Variants in ZSWIM5 observed in about 807,000 individuals in gnomAD.
The protein encoded by ZSWIM5 is zinc finger SWIM-type containing 5, also known as zinc finger SWIM domain-containing protein 5.
In ZSWIM5, 55 loss-of-function variants were observed where a neutral mutation model predicts 119.6. That is an observed-to-expected ratio of 0.46 (90% confidence interval 0.37 to 0.58). The LOEUF (loss-of-function observed/expected upper bound fraction) is 0.58. Among genes scored for constraint, ZSWIM5 ranks in the 20% least tolerant of loss-of-function variants. The pLI, the probability that ZSWIM5 is intolerant of heterozygous loss-of-function variation, is 0.00. For missense variants in ZSWIM5, 1,193 were observed against 1,512.8 expected (o/e 0.79, Z 3.51); for synonymous variants, 537 against 606.9 (o/e 0.88, Z 1.69).
intron 2 of ZSWIM5, among the ~76,000 whole-genome samples, chr1:45,075,397 G>A (rs1029098752): frequency 1.3e-5 from 2 of 152,118 alleles, no homozygotes; most frequent in African/African-American, 4.8e-5. Context: ...AGTGTTGGGT[G>A]TATATGTATT....
At chr1:45,026,247 C>A (rs567439932) in intron 11 of ZSWIM5, among the ~76,000 whole-genome samples, 1 of 152,052 alleles carries the variant, frequency 6.6e-6, no homozygotes, top group Admixed American at 6.6e-5. Context: ...GTTATCCAGG[C>A]TGGTCTTGAA....
At chr1:45,181,278 G>A (rs557014164) in intron 1 of ZSWIM5, among the ~76,000 whole-genome samples, 8 of 152,184 alleles carry the variant, frequency 5.3e-5, no homozygotes, top group African/African-American at 7.2e-5. Context: ...CAAGAACTAC[G>A]TGAAGAATGC....
At chr1:45,182,842 G>C (rs1646030482) in intron 1 of ZSWIM5, among the ~76,000 whole-genome samples, 1 of 152,080 alleles carries the variant, frequency 6.6e-6, no homozygotes, top group Non-Finnish European at 1.5e-5. Flanking sequence ...AGATCAACAA[G>C]ACAGAAAGTT....
At chr1:45,161,851 T>C (rs1048031660) in intron 1 of ZSWIM5, among the ~76,000 whole-genome samples, 1 of 152,196 alleles carries the variant, frequency 6.6e-6, no homozygotes, top group Non-Finnish European at 1.5e-5. Flanking sequence ...CACAGCTTAC[T>C]TGTAAGATAA....
chr1:45,117,652 C>G (rs1645566463), intron 1 of ZSWIM5, among the ~76,000 whole-genome samples: 1 of 152,116 alleles, frequency 6.6e-6, no homozygotes, highest in African/African-American at 2.4e-5. Flanking sequence ...GCCTGGTTAA[C>G]AGAGAGAGAC....
At chr1:45,122,936 A>G (rs1645601828) in intron 1 of ZSWIM5, among the ~76,000 whole-genome samples, 2 of 152,144 alleles carry the variant, frequency 1.3e-5, no homozygotes, top group Admixed American at 1.3e-4. Context: ...AGCCCAGTGG[A>G]AAATCAGGAC....
At chr1:45,118,166 A>G (rs1297161712) in intron 1 of ZSWIM5, among the ~76,000 whole-genome samples, 1 of 152,202 alleles carries the variant, frequency 6.6e-6, no homozygotes, top group East Asian at 1.9e-4. Context: ...CTATCATGAT[A>G]CTCACATTTG....
intron 1 of ZSWIM5, among the ~76,000 whole-genome samples, chr1:45,130,106 C>G (rs1009221581): frequency 6.6e-6 from 1 of 152,180 alleles, no homozygotes; most frequent in Non-Finnish European, 1.5e-5. Flanking sequence ...CCATGTTGGC[C>G]AGGCTGGTCT....
intron 1 of ZSWIM5, among the ~76,000 whole-genome samples, chr1:45,162,517 G>A (rs551159676): frequency 5.3e-5 from 8 of 152,320 alleles, no homozygotes; most frequent in East Asian, 3.9e-4. Context: ...AAAGCAGGGC[G>A]AGGCATCGCC....
chr1:45,094,532 C>T (rs1645387699), intron 1 of ZSWIM5, among the ~76,000 whole-genome samples: 2 of 151,952 alleles, frequency 1.3e-5, no homozygotes, highest in Non-Finnish European at 2.9e-5. Flanking sequence ...TGCTTGAGCC[C>T]AGGAGTTCAA....
chr1:45,082,239 T>G (rs527793361), intron 2 of ZSWIM5, among the ~76,000 whole-genome samples: 1 of 151,444 alleles, frequency 6.6e-6, no homozygotes, highest in East Asian at 1.9e-4. Context: ...CTTTGTTCAC[T>G]TGTTTATCTG....
At chr1:45,107,923 A>C (rs1265040535) in intron 1 of ZSWIM5, among the ~76,000 whole-genome samples, 1 of 152,116 alleles carries the variant, frequency 6.6e-6, no homozygotes, top group Non-Finnish European at 1.5e-5. Context: ...TAGCCTCCCA[A>C]GTAGCTGGGA....
At chr1:45,145,513 A>C (rs2149035817) in intron 1 of ZSWIM5, among the ~76,000 whole-genome samples, 1 of 152,306 alleles carries the variant, frequency 6.6e-6, no homozygotes, top group African/African-American at 2.4e-5. Flanking sequence ...TACAGGCAAC[A>C]ACTTAGAGGA....
chr1:45,067,072 A>T (rs902569975), intron 2 of ZSWIM5, among the ~76,000 whole-genome samples: 2 of 152,170 alleles, frequency 1.3e-5, no homozygotes, highest in African/African-American at 2.4e-5. Context: ...GGGTATGTTG[A>T]TCTTGGGATG....
chr1:45,025,403 T>C (rs1171119296), intron 11 of ZSWIM5, among the ~76,000 whole-genome samples: 3 of 152,210 alleles, frequency 2.0e-5, no homozygotes, highest in South Asian at 2.1e-4. Context: ...ATAGATCACA[T>C]TGGGAAGAAC....
At chr1:45,089,385 G>A (rs988427382) in intron 1 of ZSWIM5, among the ~76,000 whole-genome samples, 7 of 152,186 alleles carry the variant, frequency 4.6e-5, no homozygotes, top group African/African-American at 1.7e-4. Flanking sequence ...GTATTGAACT[G>A]CTAGGCCTAG....
chr1:45,046,108 G>A (rs917393043), intron 5 of ZSWIM5, among the ~76,000 whole-genome samples: 3 of 152,064 alleles, frequency 2.0e-5, no homozygotes, highest in South Asian at 2.1e-4. Flanking sequence ...AGATCATGGA[G>A]GGCCATGTAG....
chr1:45,191,153 T>C (rs1450385789), intron 1 of ZSWIM5, among the ~76,000 whole-genome samples: 1 of 151,196 alleles, frequency 6.6e-6, no homozygotes, highest in Admixed American at 6.6e-5. Flanking sequence ...ATCCGCCCGC[T>C]CCTTATCCTG....
At chr1:45,047,365 G>A (rs923245796) in intron 5 of ZSWIM5, among the ~76,000 whole-genome samples, 1 of 152,160 alleles carries the variant, frequency 6.6e-6, no homozygotes, top group Non-Finnish European at 1.5e-5. Context: ...AGCCTGACTT[G>A]GAGTGAATTC....
Sources: allele counts gnomAD v4.1 joint callset (sites outside exome capture counted in the v4.1 genomes callset), GRCh38; gene constraint gnomAD v4.1.1; transcripts MANE v1.5; gene names NCBI Gene and HGNC (gene_info 2026-07-23, HGNC 2026-07-21).